Variants in ANGPT1 observed in about 807,000 individuals in gnomAD.
ANGPT1 encodes angiopoietin-1.
Under a neutral mutation model 62.2 loss-of-function variants are expected in ANGPT1, and 17 were observed. The observed-to-expected ratio is 0.27, with a 90% confidence interval of 0.19 to 0.41. ANGPT1 has a LOEUF of 0.41. Ranked by LOEUF, ANGPT1 falls within the 10% of genes least tolerant of loss-of-function variation. ANGPT1 has a pLI of 1.00. For synonymous variants in ANGPT1, 199 were observed against 198.9 expected, an observed-to-expected ratio of 1.00 and a Z score of 0.00; for missense variants, 478 against 594.9, an observed-to-expected ratio of 0.80 and a Z score of 2.04.
intron 1 of ANGPT1, among the ~76,000 whole-genome samples, chr8:107,429,407 A>G (rs1014411480): frequency 6.6e-6 from 1 of 152,196 alleles, no homozygotes; most frequent in African/African-American, 2.4e-5. Flanking sequence ...ATCCTTAATG[A>G]TCAAACCCCC....
Position 107,249,791 on chromosome 8 carries a change from TG to T in ANGPT1, c.*2063del, listed in dbSNP as rs1813208512. 6.6e-6 allele frequency: 1 copy of T among 152,236 alleles called. No homozygotes were observed. The highest frequency in any genetic ancestry group is 2.4e-5 in the African/African-American group (1 of 41,454). The allele number at this position is 152,236 out of a possible 1,614,324, so 9.4% of individuals were successfully genotyped here. On this transcript the variant is annotated 3_prime_UTR_variant, in exon 9 of 9. Coordinates refer to ENST00000517746, the MANE Select transcript of ANGPT1 (RefSeq NM_001146.5). ...TTTTTTTATTATTTTATTTTGTTTT[TG>T]TAATATGAGTTTGGAAATAGTATTC...
chr8:107,431,947 T>C (rs1811198393), intron 1 of ANGPT1, among the ~76,000 whole-genome samples: 1 of 152,180 alleles, frequency 6.6e-6, no homozygotes, highest in African/African-American at 2.4e-5. Flanking sequence ...TTTAATCCAT[T>C]AGAGTATTTG....
chr8:107,450,735 T>C lies in ANGPT1; in HGVS notation c.297+46527A>G, dbSNP rs73699708. On this transcript the variant is annotated intron_variant, in intron 1 of 8. Coordinates refer to ENST00000517746, the MANE Select transcript of ANGPT1 (RefSeq NM_001146.5). The stretch of plus-strand genomic sequence containing the variant: ...GTGTGTGTGTGTGTGTGTGTGCATG[T>C]GTGCATGTGAATATATATAATATAT... Among the ~76,000 whole-genome samples, 1,280 of 151,022 alleles carry C rather than the reference T, an allele frequency of 8.5e-3. 15 individuals are homozygous for C. Among genetic ancestry groups the C allele is most frequent in the African/African-American group, 0.03 (1,216 of 40,976 alleles).
intron 1 of ANGPT1, among the ~76,000 whole-genome samples, chr8:107,365,108 A>G (rs778600933): frequency 5.9e-5 from 9 of 152,228 alleles, no homozygotes; most frequent in Non-Finnish European, 1.3e-4. Context: ...GAAAGTAACA[A>G]TATTGCAAGC....
intron 1 of ANGPT1, among the ~76,000 whole-genome samples, chr8:107,349,935 AG>A (rs1815896988): frequency 6.6e-6 from 1 of 152,096 alleles, no homozygotes; most frequent in African/African-American, 2.4e-5. Context: ...ATTCTTATTC[AG>A]GTAAAGAATC....
chr8:107,432,663 C>CAA (rs35833239), intron 1 of ANGPT1, among the ~76,000 whole-genome samples: 18 of 86,390 alleles, frequency 2.1e-4, no homozygotes, highest in African/African-American at 7.7e-4. Flanking sequence ...GACTCCATCT[C>CAA]AAAAAAAAAA....
chr8:107,337,622 A>G (rs1452324673), intron 2 of ANGPT1, among the ~76,000 whole-genome samples: 1 of 152,178 alleles, frequency 6.6e-6, no homozygotes, highest in Non-Finnish European at 1.5e-5. Context: ...TATTTGAAAC[A>G]TTTTTTAACT....
chr8:107,290,600 A>C (rs1814250453), intron 6 of ANGPT1, among the ~76,000 whole-genome samples: 1 of 152,230 alleles, frequency 6.6e-6, no homozygotes, highest in African/African-American at 2.4e-5. Context: ...CATGTGTTTT[A>C]ACCATCTTGT....
At chr8:107,312,068 A>AC (rs1189199376) in intron 4 of ANGPT1, among the ~76,000 whole-genome samples, 1 of 151,774 alleles carries the variant, frequency 6.6e-6, no homozygotes, top group African/African-American at 2.4e-5. Context: ...CGTTTCAAAA[A>AC]AAAAAAAAAA....
intron 7 of ANGPT1, among the ~76,000 whole-genome samples, chr8:107,280,242 CCT>C (rs1028210745): frequency 6.6e-6 from 1 of 151,728 alleles, no homozygotes; most frequent in Admixed American, 6.6e-5. Context: ...CTCTTGTCGC[CCT>C]GACTGGAGTG....
At chr8:107,349,629 T>C (rs745716850) in intron 1 of ANGPT1, among the ~76,000 whole-genome samples, 1 of 152,150 alleles carries the variant, frequency 6.6e-6, no homozygotes, top group Non-Finnish European at 1.5e-5. Context: ...CACAATTATA[T>C]ATGTTATAGC....
At chr8:107,392,000 T>G (rs1367358257) in intron 1 of ANGPT1, among the ~76,000 whole-genome samples, 1 of 152,214 alleles carries the variant, frequency 6.6e-6, no homozygotes, top group Admixed American at 6.5e-5. Context: ...AATGTTGTTA[T>G]GTGGTGCATG....
At chr8:107,309,760 AAATATC>A (rs1814805089) in intron 4 of ANGPT1, among the ~76,000 whole-genome samples, 1 of 152,198 alleles carries the variant, frequency 6.6e-6, no homozygotes, top group South Asian at 2.1e-4. Context: ...ATACAAACCT[AAATATC>A]TGTGGGCTGA....
At chr8:107,423,482 G>A (rs960422510) in intron 1 of ANGPT1, among the ~76,000 whole-genome samples, 2 of 152,130 alleles carry the variant, frequency 1.3e-5, no homozygotes, top group East Asian at 1.9e-4. Flanking sequence ...TTCCAGCTCC[G>A]CAGCGTCTTG....
rs571411985 is a variant in ANGPT1 at position 107,451,347 on chromosome 8, G to A, written c.297+45915C>T. Among the ~76,000 whole-genome samples the A allele has an allele frequency of 1.5e-4, 22 of 150,138 alleles. No homozygotes were observed. In the South Asian group the frequency reaches 1.7e-3, roughly 11 times the overall value. On this transcript the variant is annotated intron_variant, in intron 1 of 8. Transcript: ENST00000517746. ...CACACACACACACACACACGTGTACGTGCACATTTTATTTCAACCTTATGA... is the reference window on the plus strand; with the variant it reads ...CACACACACACACACACACGTGTACATGCACATTTTATTTCAACCTTATGA...
At chr8:107,342,066 AAAAC>A (rs1211319870) in intron 2 of ANGPT1, among the ~76,000 whole-genome samples, 6 of 152,158 alleles carry the variant, frequency 3.9e-5, no homozygotes, top group South Asian at 4.1e-4. Flanking sequence ...ACGGAAAAGA[AAAAC>A]AAACAAACAA....
intron 1 of ANGPT1, among the ~76,000 whole-genome samples, chr8:107,496,590 G>A (rs886190141): frequency 5.9e-5 from 9 of 152,112 alleles, no homozygotes; most frequent in Admixed American, 5.9e-4. Context: ...CAGCCAGCAT[G>A]CCCTCATCGT....
intron 2 of ANGPT1, among the ~76,000 whole-genome samples, chr8:107,340,508 T>A (rs1815671111): frequency 1.3e-5 from 2 of 152,244 alleles, no homozygotes; most frequent in South Asian, 4.1e-4. Flanking sequence ...TAAATTAATA[T>A]TAATGCTAAA....
In ANGPT1 at chr8:107,423,372, C is replaced by T. The variant is rs890646758; in HGVS notation, c.297+73890G>A. ...TAGCTGTACCTTCTCTGCAGATTGC[C>T]CTTAGCTAAGGGGAGTTGACTTGCT... On this transcript the variant is annotated intron_variant, in intron 1 of 8. Coordinates refer to ENST00000517746, the MANE Select transcript of ANGPT1 (RefSeq NM_001146.5). Among the ~76,000 whole-genome samples the T allele has an allele frequency of 2.6e-5, 4 of 152,148 alleles. No individual in the cohort carries two copies. In the South Asian group the frequency reaches 6.2e-4, roughly 24 times the overall value.
Sources: allele counts gnomAD v4.1 joint callset (sites outside exome capture counted in the v4.1 genomes callset), GRCh38; gene constraint gnomAD v4.1.1; transcripts MANE v1.5; gene names NCBI Gene and HGNC (gene_info 2026-07-23, HGNC 2026-07-21).